Variants in OSBP2 observed in about 807,000 individuals in gnomAD.
OSBP2 encodes oxysterol binding protein 2.
Under a neutral mutation model 96.0 loss-of-function variants are expected in OSBP2, and 66 were observed. That is an observed-to-expected ratio of 0.69 (90% CI 0.56 to 0.84). The LOEUF is 0.84. Among genes scored for constraint, OSBP2 ranks in the 40% least tolerant of loss-of-function variants. The pLI is 0.00. For synonymous variants in OSBP2, 525 were observed against 520.9 expected (o/e 1.01, Z -0.11); for missense variants, 1,038 against 1,222.7 (o/e 0.85, Z 2.25).
chr22:30,897,471 G>A (rs2147177430), intron 12 of OSBP2, among the ~76,000 whole-genome samples: 1 of 152,262 alleles, frequency 6.6e-6, no homozygotes, highest in South Asian at 2.1e-4. Flanking sequence ...GGAAGCCTCA[G>A]AGATTTAGAG....
intron 1 of OSBP2, among the ~76,000 whole-genome samples, chr22:30,708,838 T>C (rs951703134): frequency 6.6e-6 from 1 of 151,378 alleles, no homozygotes; most frequent in Admixed American, 6.6e-5. Flanking sequence ...GGTTGGCTCA[T>C]GCCTGTAATC....
At chr22:30,799,178 C>T (rs2090815895) in intron 2 of OSBP2, among the ~76,000 whole-genome samples, 1 of 150,906 alleles carries the variant, frequency 6.6e-6, no homozygotes, top group Admixed American at 6.6e-5. Flanking sequence ...GGTGCAATCT[C>T]AGCTCACTGC....
intron 2 of OSBP2, chr22:30,770,588 A>G (rs937775534): frequency 2.0e-5 from 3 of 152,258 alleles, no homozygotes; most frequent in Non-Finnish European, 4.4e-5. Context: ...TCCAGGGTCA[A>G]CTGGTGGCAG....
chr22:30,904,576 G>T (rs965773295), intron 12 of OSBP2, among the ~76,000 whole-genome samples: 9 of 151,676 alleles, frequency 5.9e-5, no homozygotes, highest in Admixed American at 1.3e-4. Context: ...TTCAACAAAA[G>T]AAATGCTTAC....
intron 1 of OSBP2, among the ~76,000 whole-genome samples, chr22:30,721,774 G>C (rs1020682915): frequency 6.6e-6 from 1 of 152,032 alleles, no homozygotes; most frequent in Non-Finnish European, 1.5e-5. Context: ...ATTTATAATT[G>C]GCCTTGGAGT....
chr22:30,801,063 T>G (rs5753323), intron 2 of OSBP2, among the ~76,000 whole-genome samples: 17,406 of 152,278 alleles, frequency 0.11, 1,118 homozygotes, highest in East Asian at 0.2. Context: ...CCTTCTGTCA[T>G]AAGACCTTCC....
In OSBP2 at chr22:30,870,019, A is replaced by C. The variant is rs2147107902; in HGVS notation, c.854-410A>C. ...GCCTGCGATGCTGAGAAAGGAGCCC[A>C]GGCTCCATTCTGGGGGCCTCTGTGC... On this transcript the variant is annotated intron_variant, in intron 2 of 13. Transcript: ENST00000332585. The surrounding 1 kb of genome is among the most constrained non-coding windows in gnomAD (Gnocchi z 4.1). Among the ~76,000 whole-genome samples the C allele has an allele frequency of 6.6e-6, 1 of 152,314 alleles. No individual in the cohort carries two copies. Among genetic ancestry groups the C allele is most frequent in the East Asian group, 1.9e-4 (1 of 5,182 alleles).
At chr22:30,695,733 T>A (rs761657080) in intron 1 of OSBP2, among the ~76,000 whole-genome samples, 180 bp downstream of exon 1, 15 of 152,198 alleles carry the variant, frequency 9.9e-5, no homozygotes, top group Non-Finnish European at 2.2e-4. Context: ...CCCTGACCTC[T>A]GGCAAGGGTG....
chr22:30,823,484 TA>T (rs2038331148), intron 2 of OSBP2, among the ~76,000 whole-genome samples: 1 of 152,250 alleles, frequency 6.6e-6, no homozygotes, highest in Non-Finnish European at 1.5e-5. Flanking sequence ...CAGAGGCGGT[TA>T]ATTTCACCTA....
chr22:30,820,251 C>T (rs1345013393), intron 2 of OSBP2, among the ~76,000 whole-genome samples: 21 of 151,880 alleles, frequency 1.4e-4, no homozygotes, highest in Admixed American at 6.6e-5. Flanking sequence ...TAGCTGGACA[C>T]GGTGGTGTGC....
chr22:30,874,349 T>C (rs894749326), intron 3 of OSBP2, among the ~76,000 whole-genome samples: 1 of 151,878 alleles, frequency 6.6e-6, no homozygotes, highest in Non-Finnish European at 1.5e-5. Flanking sequence ...GAGATGGAGG[T>C]TGCAGTGAGC....
At chr22:30,796,591 C>T (rs975419771) in intron 2 of OSBP2, among the ~76,000 whole-genome samples, 12 of 151,988 alleles carry the variant, frequency 7.9e-5, no homozygotes, top group Non-Finnish European at 1.6e-4. Flanking sequence ...CTGCAACCTC[C>T]ACCTCCCAGG....
intron 2 of OSBP2, among the ~76,000 whole-genome samples, chr22:30,778,484 C>G (rs1011890480): frequency 6.6e-6 from 1 of 152,098 alleles, no homozygotes; most frequent in Admixed American, 6.6e-5. Context: ...ATCCTGCCGT[C>G]CAGTGGTTGG....
At chr22:30,743,991 G>A (rs1461258370) in intron 2 of OSBP2, among the ~76,000 whole-genome samples, 2 of 152,198 alleles carry the variant, frequency 1.3e-5, no homozygotes, top group Admixed American at 1.3e-4. Context: ...TGCCAAGAGG[G>A]CAGCCTTCTG....
At chr22:30,798,689 CT>C (rs2090800504) in intron 2 of OSBP2, among the ~76,000 whole-genome samples, 1 of 152,044 alleles carries the variant, frequency 6.6e-6, no homozygotes, top group Non-Finnish European at 1.5e-5. Flanking sequence ...TATTTTTTAC[CT>C]ACTGAATGGT....
chr22:30,802,500 A>G (rs1057208208), intron 2 of OSBP2, among the ~76,000 whole-genome samples: 3 of 152,172 alleles, frequency 2.0e-5, no homozygotes, highest in Non-Finnish European at 4.4e-5. Flanking sequence ...GTCCAGGCAA[A>G]GGGCCGGCCC....
intron 2 of OSBP2, among the ~76,000 whole-genome samples, chr22:30,859,593 A>T (rs1260001828): frequency 6.6e-6 from 1 of 152,212 alleles, no homozygotes; most frequent in African/African-American, 2.4e-5. Flanking sequence ...ACCCTTCCAC[A>T]TGCCAACGAG....
chr22:30,874,177 C>T (rs971493152), intron 3 of OSBP2, among the ~76,000 whole-genome samples: 1 of 152,190 alleles, frequency 6.6e-6, no homozygotes, highest in African/African-American at 2.4e-5. Flanking sequence ...GCAGAGGTTG[C>T]AGTGAGCCAA....
intron 1 of OSBP2, among the ~76,000 whole-genome samples, chr22:30,710,987 C>T (rs532405172): frequency 2.0e-5 from 3 of 151,268 alleles, no homozygotes; most frequent in African/African-American, 7.3e-5. Context: ...TCAGGCGATC[C>T]GCCTGCCTCG....
Sources: gnomAD v4.1 joint callset for allele counts (sites outside exome capture counted in the v4.1 genomes callset) on GRCh38, gnomAD v4.1.1 for gene constraint, Gnocchi (gnomAD v3.1) non-coding constraint, MANE v1.5 for transcripts, NCBI Gene and HGNC (gene_info 2026-07-23, HGNC 2026-07-21) for gene names.